The following PRKCQ variants were observed in gnomAD, a reference collection of about 807,000 sequenced individuals.
PRKCQ encodes protein kinase C theta type.
A neutral mutation model predicts 91.2 loss-of-function variants in PRKCQ; 41 were observed. The observed-to-expected ratio is 0.45, with a 90% CI of 0.35 to 0.58. PRKCQ has a LOEUF of 0.58. PRKCQ is among the 20% of genes least tolerant of loss of function. The pLI is 0.00. For missense variants in PRKCQ, 673 were observed against 896.5 expected (o/e 0.75, Z 3.18); for synonymous variants, 307 against 316.9 (o/e 0.97, Z 0.33).
At chr10:6,495,540 C>T (rs1837540781) in intron 7 of PRKCQ, among the ~76,000 whole-genome samples, 1 of 152,246 alleles carries the variant, frequency 6.6e-6, no homozygotes, top group Admixed American at 6.5e-5. Flanking sequence ...CACATGCTTA[C>T]TCTCCACCTT....
chr10:6,428,052 C>G lies in PRKCQ; in HGVS notation c.*155G>C. ...ATTAGTGAAGTAGACTTGGTTTCTG[C>G]TACAGATAAAAGTCACATGGGGGCG... On this transcript the variant is annotated 3_prime_UTR_variant, in exon 18 of 18. Coordinates refer to ENST00000263125, the MANE Select transcript of PRKCQ (RefSeq NM_006257.5). 1 of 885,268 alleles carries G rather than the reference C, an allele frequency of 1.1e-6. No homozygotes were observed. The highest frequency in any genetic ancestry group is 1.7e-5 in the South Asian group (1 of 58,470). The allele number at this position is 885,268 out of a possible 1,614,324, so 54.8% of individuals were successfully genotyped here. A position where few individuals can be genotyped will look rare whatever the true frequency, so the allele number is the denominator to read the frequency against.
rs77458489 is a variant in PRKCQ at position 6,493,079 on chromosome 10, G to A, written c.661-1267C>T. 1.8e-3 allele frequency among the ~76,000 whole-genome samples: 275 copies of A among 152,238 alleles called. 2 individuals are homozygous for A. The highest frequency in any genetic ancestry group is 5.8e-3 in the African/African-American group (242 of 41,538). On this transcript the variant is annotated intron_variant, in intron 7 of 17. Coordinates refer to ENST00000263125, the MANE Select transcript of PRKCQ (RefSeq NM_006257.5). ...AATAGGTCAAGGTCCAGGCTGGAAGGGGACCACTTCGAATCTTGAATGCAG... is the reference window on the plus strand; with the variant it reads ...AATAGGTCAAGGTCCAGGCTGGAAGAGGACCACTTCGAATCTTGAATGCAG...
chr10:6,468,195 T>C (rs1003531444), intron 12 of PRKCQ, among the ~76,000 whole-genome samples: 1 of 152,206 alleles, frequency 6.6e-6, no homozygotes, highest in African/African-American at 2.4e-5. Flanking sequence ...AAACACAAGA[T>C]AGTTCTTTAA....
chr10:6,479,876 T>C (rs1836498822), intron 11 of PRKCQ, among the ~76,000 whole-genome samples: 3 of 150,556 alleles, frequency 2.0e-5, no homozygotes, highest in Admixed American at 2.0e-4. Context: ...TGCTTGAACC[T>C]GGGAGGCGGA....
rs1836739127 is a variant in PRKCQ at position 6,483,668 on chromosome 10, A to T, written c.1019-68T>A. 3 of 1,554,000 alleles carry T rather than the reference A, an allele frequency of 1.9e-6. No homozygotes were observed. The Admixed American group carries it at 5.5e-5, about 28-fold the overall frequency. On this transcript the variant is annotated intron_variant, in intron 10 of 17. Transcript: ENST00000263125. ...GGAGGTCATTCTAGTTACTGAGAGCACATGCTTTCTCTTCTACTTCCCATG... is the reference window on the plus strand; with the variant it reads ...GGAGGTCATTCTAGTTACTGAGAGCTCATGCTTTCTCTTCTACTTCCCATG...
chr10:6,397,869 G>A, the PRKCQ span, among the ~76,000 whole-genome samples: 1 of 152,134 alleles, frequency 6.6e-6, no homozygotes, highest in Non-Finnish European at 1.5e-5. Flanking sequence ...AGGTTGTAGT[G>A]AGCTGAGATC....
At chr10:6,406,827 A>T in the PRKCQ span, among the ~76,000 whole-genome samples, 1 of 152,172 alleles carries the variant, frequency 6.6e-6, no homozygotes, top group African/African-American at 2.4e-5. Context: ...TTTAAACGAT[A>T]CTTTTCAGCT....
intron 7 of PRKCQ, among the ~76,000 whole-genome samples, chr10:6,493,046 G>A (rs1284853930): frequency 6.6e-6 from 1 of 152,158 alleles, no homozygotes; most frequent in Non-Finnish European, 1.5e-5. Flanking sequence ...GTTTAAATAT[G>A]GACAATTAAT....
At chr10:6,504,971 G>A (rs1422838389) in intron 4 of PRKCQ, among the ~76,000 whole-genome samples, 1 of 150,280 alleles carries the variant, frequency 6.7e-6, no homozygotes, top group Non-Finnish European at 1.5e-5. Context: ...TTGGCTCACT[G>A]CAAGCTCCGC....
intron 1 of PRKCQ, among the ~76,000 whole-genome samples, chr10:6,533,481 G>A (rs912125474): frequency 9.2e-5 from 14 of 152,274 alleles, no homozygotes; most frequent in East Asian, 7.7e-4. Flanking sequence ...ACAGGCACGA[G>A]CCACTGTGCC....
At chr10:6,462,231 G>A (rs565536004) in intron 14 of PRKCQ, 72 bp downstream of exon 14, 23 of 1,367,540 alleles carry the variant, frequency 1.7e-5, no homozygotes, top group Middle Eastern at 1.8e-4. Flanking sequence ...CACAGCACTC[G>A]GTGCAATGAT....
intron 12 of PRKCQ, among the ~76,000 whole-genome samples, chr10:6,467,343 G>GAC (rs1564324107): frequency 8.4e-5 from 11 of 131,166 alleles, no homozygotes; most frequent in African/African-American, 2.9e-4. Context: ...GACAGAGAGA[G>GAC]AGAGAGAGAG....
At chr10:6,495,753 A>G (rs977459804) in intron 7 of PRKCQ, among the ~76,000 whole-genome samples, 1 of 152,204 alleles carries the variant, frequency 6.6e-6, no homozygotes, top group Non-Finnish European at 1.5e-5. Context: ...AAGTCAAAAG[A>G]TTTCATAATG....
chr10:6,528,790 T>G (rs192137164), intron 1 of PRKCQ, among the ~76,000 whole-genome samples: 1 of 152,350 alleles, frequency 6.6e-6, no homozygotes, highest in East Asian at 1.9e-4. Flanking sequence ...CATGAATGCA[T>G]AGAGTTTTCG....
chr10:6,526,697 G>A (rs578093907), intron 1 of PRKCQ, among the ~76,000 whole-genome samples: 17 of 152,320 alleles, frequency 1.1e-4, no homozygotes, highest in South Asian at 2.1e-4. Flanking sequence ...GAAGACAGAC[G>A]AGGTGGGTGT....
intron 16 of PRKCQ, among the ~76,000 whole-genome samples, chr10:6,434,030 TAAAA>T (rs779037464): frequency 1.8e-4 from 21 of 115,648 alleles, no homozygotes; most frequent in Non-Finnish European, 8.4e-5. Flanking sequence ...CAAGACTCCT[TAAAA>T]AAAAAAAAAA....
chr10:6,498,816 TCTTTGA>T (rs1323327661), intron 4 of PRKCQ, among the ~76,000 whole-genome samples: 4 of 152,302 alleles, frequency 2.6e-5, no homozygotes, highest in Non-Finnish European at 4.4e-5. Context: ...CCTTCGCTCC[TCTTTGA>T]CTGGGCTGAG....
chr10:6,552,374 C>A (rs185783572), intron 1 of PRKCQ, among the ~76,000 whole-genome samples: 1 of 152,080 alleles, frequency 6.6e-6, no homozygotes, highest in African/African-American at 2.4e-5. Context: ...CTCCAGTGAT[C>A]GTGCCTCCAA....
chr10:6,412,661 A>C, the PRKCQ span, among the ~76,000 whole-genome samples: 1 of 152,254 alleles, frequency 6.6e-6, no homozygotes, highest in African/African-American at 2.4e-5. Context: ...ATCCATTCAG[A>C]AAACAGCATT....
Sources: gnomAD v4.1 joint callset for allele counts (sites outside exome capture counted in the v4.1 genomes callset) on GRCh38, gnomAD v4.1.1 for gene constraint, MANE v1.5 for transcripts, NCBI Gene and HGNC (gene_info 2026-07-23, HGNC 2026-07-21) for gene names.